ADAM15: variants seen among roughly 807,000 people sequenced by gnomAD.
ADAM15 encodes the protein ADAM metallopeptidase domain 15, also known as disintegrin and metalloproteinase domain-containing protein 15.
Under a neutral mutation model 113.8 loss-of-function variants are expected in ADAM15, and 77 were observed. That is an observed-to-expected ratio of 0.68 (90% CI 0.56 to 0.82). ADAM15 has a LOEUF of 0.82. Among genes scored for constraint, ADAM15 ranks in the 40% least tolerant of loss-of-function variants. The pLI is 0.00. For missense variants in ADAM15, 963 were observed against 1,120.1 expected (o/e 0.86, Z 2.00); for synonymous variants, 388 against 454.1 (o/e 0.85, Z 1.85).
Position 155,062,577 on chromosome 1 carries a change from A to G in ADAM15, c.*75A>G, listed in dbSNP as rs1662806387. The G allele has an allele frequency of 7.7e-6, 12 of 1,558,172 alleles. No individual in the cohort carries two copies. In the South Asian group the frequency reaches 1.4e-4, roughly 18 times the overall value. Reference sequence around the variant, plus strand: ...GCGGGCGTGCCCTCTGGAGTCCCCTACCATGACTGAAGGCGCCAGAGACTG... The same window carrying G: ...GCGGGCGTGCCCTCTGGAGTCCCCTGCCATGACTGAAGGCGCCAGAGACTG... On this transcript the variant is annotated 3_prime_UTR_variant, in exon 23 of 23. Transcript: ENST00000356955. The surrounding 1 kb of genome is among the most constrained non-coding windows in gnomAD (Gnocchi z 7.0).
chr1:155,054,046 G>A, intron 4 of ADAM15, 58 bp downstream of exon 4: 2 of 1,612,428 alleles, frequency 1.2e-6, no homozygotes, highest in Non-Finnish European at 1.7e-6. Context: ...GGGGGTGGCT[G>A]GAAGGTGAGA....
chr1:155,058,756 A>T lies in ADAM15; in HGVS notation c.1964A>T (p.Gln655Leu). 6.2e-7 allele frequency: 1 copy of T among 1,609,816 alleles called. No individual in the cohort carries two copies. Among genetic ancestry groups the T allele is most frequent in the Non-Finnish European group, 8.5e-7 (1 of 1,178,232 alleles). ...RCQRVDLLGA[Q>L]ECRSKCHGHG... ...CAGCGTGTGGATCTCCTGGGGGCAC[A>T]GGAATGTCGAAGCAAATGCCATGGA... The change falls in exon 16 of 23, where the codon CAG becomes CTG. Residue 655 changes from glutamine to leucine, a missense_variant. By Grantham distance (113) the Gln-to-Leu change is moderately radical (BLOSUM62 -2). Transcript: ENST00000356955. This position sits in a 1 kb window ranked among gnomAD's most constrained non-coding sequence, Gnocchi z 4.3.
chr1:155,062,685 T>G lies in ADAM15; in HGVS notation c.*183T>G, dbSNP rs1662814958. The G allele has an allele frequency of 1.2e-6, 1 of 820,080 alleles. No homozygotes were observed. The highest frequency in any genetic ancestry group is 2.7e-5 in the East Asian group (1 of 36,660). The allele number at this position is 820,080 out of a possible 1,614,324, so 50.8% of individuals were successfully genotyped here. On this transcript the variant is annotated 3_prime_UTR_variant, in exon 23 of 23. Coordinates refer to ENST00000356955, the MANE Select transcript of ADAM15 (RefSeq NM_207197.3). The surrounding 1 kb of genome is among the most constrained non-coding windows in gnomAD (Gnocchi z 7.0). Reference sequence around the variant, plus strand: ...TGCCGGCGTAGTTGCAGCGGGGGCTTGGGGAGGGGCTGGGGGTTGGACGGG... The same window carrying G: ...TGCCGGCGTAGTTGCAGCGGGGGCTGGGGGAGGGGCTGGGGGTTGGACGGG...
Position 155,060,819 on chromosome 1 carries a change from C to G in ADAM15, c.2264C>G (p.Ala755Gly). ...RPGPPQRALLARGTKQASALS... is the reference protein window; with the variant it reads ...RPGPPQRALLGRGTKQASALS... ...GGACCTCCGCAGAGGGCCCTGCTGG[C>G]ACGAGGCACTAAGGTGAGTCCTGGA... The change falls in exon 19 of 23, where the codon GCA becomes GGA. Residue 755 changes from alanine to glycine, a missense_variant. Ala to Gly is a moderately conservative substitution (Grantham distance 60, BLOSUM62 0). Transcript: ENST00000356955. 6.2e-7 allele frequency: 1 copy of G among 1,611,934 alleles called. No homozygotes were observed. Among genetic ancestry groups the G allele is most frequent in the Non-Finnish European group, 8.5e-7 (1 of 1,179,908 alleles).
chr1:155,052,416 G>T, intron 1 of ADAM15: 1 of 1,327,734 alleles, frequency 7.5e-7, no homozygotes, highest in East Asian at 2.5e-5. Flanking sequence ...AAGGGGACAA[G>T]GAGGGCCACA....
At position 155,058,509 on chromosome 1, in the gene ADAM15, G is replaced by T; in HGVS notation, c.1917+68G>T. 6.3e-7 allele frequency: 1 copy of T among 1,580,908 alleles called. No individual in the cohort carries two copies. Among genetic ancestry groups the T allele is most frequent in the Non-Finnish European group, 8.6e-7 (1 of 1,167,812 alleles). On this transcript the variant is annotated intron_variant, in intron 15 of 22. Transcript: ENST00000356955. This position sits in a 1 kb window ranked among gnomAD's most constrained non-coding sequence, Gnocchi z 4.3. ...TTTGGACCACAATGAACAGAGCCCA[G>T]ACTTCACCATTCACCAATGTCAAAG...
intron 20 of ADAM15, 158 bp downstream of exon 20, chr1:155,061,647 G>A (rs1662630587): frequency 1.1e-6 from 1 of 879,114 alleles, no homozygotes; most frequent in Non-Finnish European, 1.7e-6. Context: ...GCAGCAAAGG[G>A]TGAGCCTCCT....
In ADAM15 at chr1:155,057,566, G is replaced by A; in HGVS notation, c.1324-71G>A. On this transcript the variant is annotated intron_variant, in intron 12 of 22. Transcript: ENST00000356955. This position sits in a 1 kb window ranked among gnomAD's most constrained non-coding sequence, Gnocchi z 5.0. ...AGCTTCTGGTCTTGGCCTGTGGGAGGAGGAGAGATTGGAGGGAGGCTCACA... is the reference window on the plus strand; with the variant it reads ...AGCTTCTGGTCTTGGCCTGTGGGAGAAGGAGAGATTGGAGGGAGGCTCACA... 3.2e-6 allele frequency: 5 copies of A among 1,571,980 alleles called. No homozygotes were observed. Among genetic ancestry groups the A allele is most frequent in the Non-Finnish European group, 4.4e-6 (5 of 1,143,366 alleles).
chr1:155,062,350 C>G lies in ADAM15; in HGVS notation c.2530C>G (p.Pro844Ala), dbSNP rs757341237. Reference protein sequence around the residue: ...DLPGPGAGIPPLVVPSRPAPP... With the variant: ...DLPGPGAGIPALVVPSRPAPP... The stretch of plus-strand genomic sequence containing the variant: ...GCCCGGCCCAGGGGCTGGAATCCCG[C>G]CCCTAGTGGTACCCTCCAGGTAGGA... The change falls in exon 22 of 23, where the codon CCC (proline) becomes GCC (alanine). Residue 844 changes from proline (P) to alanine (A), a missense_variant. Transcript: ENST00000356955. This position sits in a 1 kb window ranked among gnomAD's most constrained non-coding sequence, Gnocchi z 7.0. 60 of 1,579,092 alleles carry G rather than the reference C, an allele frequency of 3.8e-5. No individual in the cohort carries two copies. The highest frequency in any genetic ancestry group is 4.9e-5 in the Non-Finnish European group (57 of 1,161,974).
At position 155,055,657 on chromosome 1, in the gene ADAM15, G is replaced by A. The variant is rs113705368; in HGVS notation, c.613-133G>A. On this transcript the variant is annotated intron_variant, in intron 6 of 22. Transcript: ENST00000356955. ...TTCCTGGGCCCTCTGGCCTTCAGTG[G>A]CTCATCTGTAAAATGGGCTCTTCAC... 83 of 948,066 alleles carry A rather than the reference G, an allele frequency of 8.8e-5. 2 individuals carry two copies. In the African/African-American group the frequency reaches 1.0e-3, roughly 12 times the overall value. The allele number at this position is 948,066 out of a possible 1,614,324, so 58.7% of individuals were successfully genotyped here.
chr1:155,054,317 C>G lies in ADAM15; in HGVS notation c.423C>G (p.Gly141=). The part of the protein sequence containing the change: ...VSICTCSGLR[G]LVVLTPERSY... The stretch of plus-strand genomic sequence containing the variant: ...CTCTGACTTTCTTTTTTCTTAGAGG[C>G]TTGGTGGTCCTGACCCCAGAGAGAA... Residue 141 remains glycine, a synonymous_variant, in exon 6 of 23, where the codon GGC becomes GGG. Coordinates refer to ENST00000356955, the MANE Select transcript of ADAM15 (RefSeq NM_207197.3). The G allele has an allele frequency of 1.3e-6, 2 of 1,584,664 alleles. No homozygotes were observed. The highest frequency in any genetic ancestry group is 3.4e-4 in the Middle Eastern group (2 of 5,962).
chr1:155,061,066 C>T (rs746090836), intron 19 of ADAM15: 31 of 585,970 alleles, frequency 5.3e-5, no homozygotes, highest in Admixed American at 8.9e-5. Context: ...GGGCTCCGTC[C>T]GCTGGCCAAG....
rs1293491053 is a variant in ADAM15 at position 155,058,712 on chromosome 1, G to A, written c.1920G>A (p.Val640=). The part of the protein sequence containing the change: ...LPGTACGPGL[V]CIDHRCQRVD... The stretch of plus-strand genomic sequence containing the variant: ...AGGCTCTTCTCTCCCTGGGTCAGGT[G>A]TGTATAGACCATCGATGCCAGCGTG... The change falls in exon 16 of 23, where the codon GTG becomes GTA. Residue 640 remains valine, a splice_region_variant and synonymous_variant. Transcript: ENST00000356955. The surrounding 1 kb of genome is among the most constrained non-coding windows in gnomAD (Gnocchi z 4.3). 1 of 1,613,558 alleles carries A rather than the reference G, an allele frequency of 6.2e-7. No individual in the cohort carries two copies. The highest frequency in any genetic ancestry group is 8.5e-7 in the Non-Finnish European group (1 of 1,179,724).
chr1:155,056,976 A>C lies in ADAM15; in HGVS notation c.1023A>C (p.Gly341=). Reference sequence around the variant, plus strand: ...AGGACCACTCCACCAGCATCCTGGGAGTCGCCTCCTCCATAGCCCATGAGT... The same window carrying C: ...AGGACCACTCCACCAGCATCCTGGGCGTCGCCTCCTCCATAGCCCATGAGT... ...VNMDHSTSIL[G]VASSIAHELG... The change falls in exon 11 of 23, where the codon GGA becomes GGC. Residue 341 remains glycine (G), a synonymous_variant. Transcript: ENST00000356955. The surrounding 1 kb of genome is among the most constrained non-coding windows in gnomAD (Gnocchi z 4.0). 1 of 1,575,856 alleles carries C rather than the reference A, an allele frequency of 6.3e-7. No homozygotes were observed.
At chr1:155,060,673 C>A in intron 18 of ADAM15, 90 bp from the exon 19 acceptor site, 1 of 1,418,464 alleles carries the variant, frequency 7.0e-7, no homozygotes, top group Non-Finnish European at 9.9e-7. Flanking sequence ...TAAGTGCCTG[C>A]AAAGGGTTAA....
At chr1:155,061,757 A>G in intron 20 of ADAM15, 147 bp from the exon 21 acceptor site, 1 of 972,034 alleles carries the variant, frequency 1.0e-6, no homozygotes, top group Non-Finnish European at 1.5e-6. Context: ...ATCAGCTGGC[A>G]TGCCTCCAAG....
chr1:155,052,524 C>CT (rs2102382037), intron 1 of ADAM15, 147 bp from the exon 2 acceptor site: 1 of 1,546,236 alleles, frequency 6.5e-7, no homozygotes. Context: ...CAGTATTCTT[C>CT]TTTAAGTCTC....
chr1:155,055,729 C>T (rs1661662852), intron 6 of ADAM15, 61 bp from the exon 7 acceptor site: 2 of 1,593,862 alleles, frequency 1.3e-6, no homozygotes, highest in South Asian at 2.2e-5. Context: ...CTTGGTCAGC[C>T]CGGCACAGCT....
intron 6 of ADAM15, among the ~76,000 whole-genome samples, chr1:155,054,871 A>C (rs1661556759): frequency 6.6e-6 from 1 of 152,138 alleles, no homozygotes; most frequent in South Asian, 2.1e-4. Flanking sequence ...CCTCGTCTCA[A>C]AAAATAAAAT....
Sources: gnomAD v4.1 joint callset for allele counts (sites outside exome capture counted in the v4.1 genomes callset) on GRCh38, gnomAD v4.1.1 for gene constraint, Gnocchi (gnomAD v3.1) non-coding constraint, MANE v1.5 for transcripts, NCBI Gene and HGNC (gene_info 2026-07-23, HGNC 2026-07-21) for gene names.